CTDSPL2: variants seen among roughly 807,000 people sequenced by gnomAD.
CTDSPL2 encodes CTD small phosphatase like 2, also known as CTD small phosphatase-like protein 2.
A neutral mutation model predicts 60.0 loss-of-function variants in CTDSPL2; 5 were observed. That is an observed-to-expected ratio of 0.08 (90% confidence interval 0.04 to 0.18). CTDSPL2 has a LOEUF of 0.18. Ranked by LOEUF, CTDSPL2 falls within the 10% of genes least tolerant of loss-of-function variation. The pLI is 1.00. For synonymous variants in CTDSPL2, 186 were observed against 189.3 expected (o/e 0.98, Z 0.14); for missense variants, 370 against 548.8 (o/e 0.67, Z 3.26).
Position 44,524,170 on chromosome 15 carries a change from A to G in CTDSPL2, c.1397A>G (p.Asp466Gly). ...CGCTTGCATGATTTGCTGCCCCCAGATTAAGTACAAAGACTTGTCAAATCA... is the reference window on the plus strand; with the variant it reads ...CGCTTGCATGATTTGCTGCCCCCAGGTTAAGTACAAAGACTTGTCAAATCA... Reference protein sequence around the residue: ...RFRLHDLLPPD With the variant: ...RFRLHDLLPPG Residue 466 changes from aspartate to glycine, a missense_variant, in exon 13 of 13, where the codon GAT (aspartate) becomes GGT (glycine). Asp to Gly is a moderately conservative substitution (Grantham distance 94). Transcript: ENST00000260327. The G allele has an allele frequency of 6.2e-7, 1 of 1,612,102 alleles. No homozygotes were observed. The highest frequency in any genetic ancestry group is 8.5e-7 in the Non-Finnish European group (1 of 1,178,254).
At chr15:44,446,534 G>A (rs1185401411) in intron 1 of CTDSPL2, among the ~76,000 whole-genome samples, 1 of 151,938 alleles carries the variant, frequency 6.6e-6, no homozygotes. Context: ...GGAGGCCAAG[G>A]CAGGAGAACT....
At chr15:44,494,759 A>G (rs2081269456) in intron 5 of CTDSPL2, among the ~76,000 whole-genome samples, 1 of 151,976 alleles carries the variant, frequency 6.6e-6, no homozygotes, top group African/African-American at 2.4e-5. Context: ...TACTAAAAAT[A>G]CAAAAAATTA....
intron 8 of CTDSPL2, among the ~76,000 whole-genome samples, chr15:44,509,671 G>A (rs2081533137): frequency 6.6e-6 from 1 of 152,078 alleles, no homozygotes; most frequent in South Asian, 2.1e-4. Context: ...ATATGGCTGG[G>A]TGCGGTGGCT....
At chr15:44,479,257 T>A (rs1245587372) in intron 2 of CTDSPL2, among the ~76,000 whole-genome samples, 3 of 152,034 alleles carry the variant, frequency 2.0e-5, no homozygotes, top group African/African-American at 7.2e-5. Context: ...CCCTCTTTCT[T>A]ATAAGGTATA....
At chr15:44,491,714 A>G (rs1355218562) in intron 5 of CTDSPL2, among the ~76,000 whole-genome samples, 3 of 152,190 alleles carry the variant, frequency 2.0e-5, no homozygotes, top group African/African-American at 7.2e-5. Context: ...TTGTGGTACC[A>G]GGTATTTGAG....
At chr15:44,488,485 A>G (rs1008016908) in intron 4 of CTDSPL2, among the ~76,000 whole-genome samples, 3 of 152,180 alleles carry the variant, frequency 2.0e-5, no homozygotes, top group African/African-American at 4.8e-5. Flanking sequence ...AATTTGGACC[A>G]TGCTGAGTTT....
intron 1 of CTDSPL2, among the ~76,000 whole-genome samples, chr15:44,443,172 ATCT>A (rs1315263176): frequency 6.6e-6 from 1 of 152,152 alleles, no homozygotes; most frequent in Non-Finnish European, 1.5e-5. Context: ...GAACTTTTTC[ATCT>A]TCTCAAACGG....
intron 2 of CTDSPL2, among the ~76,000 whole-genome samples, chr15:44,468,279 C>T (rs984840272): frequency 1.3e-5 from 2 of 151,970 alleles, no homozygotes; most frequent in African/African-American, 4.8e-5. Context: ...TTTAGTCATA[C>T]ATGTTTTTAA....
At position 44,490,759 on chromosome 15, in the gene CTDSPL2, A is replaced by G. The variant is rs779598773; in HGVS notation, c.476-25A>G. On this transcript the variant is annotated intron_variant, in intron 4 of 12. Transcript: ENST00000260327. ...TAAATAGGTGCATTTTTAAATGATG[A>G]TAGTACACTGAATCATGATTTCAGG... The G allele has an allele frequency of 1.5e-5, 23 of 1,576,740 alleles. 1 individual carries two copies. Among genetic ancestry groups the G allele is most frequent in the Non-Finnish European group, 2.0e-5 (23 of 1,147,786 alleles).
chr15:44,443,664 T>G (rs1401668423), intron 1 of CTDSPL2, among the ~76,000 whole-genome samples: 1 of 152,170 alleles, frequency 6.6e-6, no homozygotes, highest in Non-Finnish European at 1.5e-5. Flanking sequence ...AATTAGATAA[T>G]TAGTGATGTC....
intron 8 of CTDSPL2, among the ~76,000 whole-genome samples, chr15:44,505,858 T>C (rs2081453001): frequency 6.6e-6 from 1 of 151,998 alleles, no homozygotes; most frequent in African/African-American, 2.4e-5. Context: ...TCCTTTGAAG[T>C]TTAGAGTTTG....
intron 2 of CTDSPL2, among the ~76,000 whole-genome samples, chr15:44,466,722 A>G (rs1037647415): frequency 1.3e-5 from 2 of 151,710 alleles, no homozygotes; most frequent in Admixed American, 1.3e-4. Context: ...AGGCGGGCGG[A>G]TCATGAGGTC....
intron 2 of CTDSPL2, among the ~76,000 whole-genome samples, chr15:44,476,391 A>T (rs1017493337): frequency 3.3e-5 from 5 of 152,136 alleles, no homozygotes; most frequent in African/African-American, 1.2e-4. Context: ...AAATATTACT[A>T]AATTCTGAAA....
Position 44,463,383 on chromosome 15 carries a change from C to T in CTDSPL2, c.186+4183C>T, listed in dbSNP as rs148833239. ...TCTTGAACTCCTGACCTCAAGTGAT[C>T]TGCCCACCTCAGCCTCCCAGAGTGC... On this transcript the variant is annotated intron_variant, in intron 2 of 12. Coordinates refer to ENST00000260327, the MANE Select transcript of CTDSPL2 (RefSeq NM_016396.3). Among the ~76,000 whole-genome samples, 948 of 152,272 alleles carry T rather than the reference C, an allele frequency of 6.2e-3. 4 individuals are homozygous for T. The highest frequency in any genetic ancestry group is 0.017 in the Middle Eastern group (5 of 294).
At chr15:44,498,537 A>G (rs2081338658) in intron 7 of CTDSPL2, among the ~76,000 whole-genome samples, 1 of 152,082 alleles carries the variant, frequency 6.6e-6, no homozygotes, top group Admixed American at 6.6e-5. Context: ...AGTGAGCTAC[A>G]ATTGTGCCAC....
intron 2 of CTDSPL2, among the ~76,000 whole-genome samples, chr15:44,470,816 T>C (rs1022529155): frequency 1.3e-5 from 2 of 152,206 alleles, no homozygotes; most frequent in Non-Finnish European, 2.9e-5. Context: ...AAGTCTTCTA[T>C]CTTACTATGT....
chr15:44,464,263 A>C (rs946328093), intron 2 of CTDSPL2, among the ~76,000 whole-genome samples: 1 of 152,224 alleles, frequency 6.6e-6, no homozygotes, highest in Non-Finnish European at 1.5e-5. Flanking sequence ...CTTACAAACC[A>C]TATGAGATAG....
intron 1 of CTDSPL2, among the ~76,000 whole-genome samples, chr15:44,457,089 C>G (rs2080463362): frequency 6.6e-6 from 1 of 152,022 alleles, no homozygotes. Flanking sequence ...GTTGCCCAGG[C>G]TGGTCTTGAA....
rs2081877770 is a variant in CTDSPL2 at position 44,526,576 on chromosome 15, T to C, written c.*2402T>C. On this transcript the variant is annotated 3_prime_UTR_variant, in exon 13 of 13. Transcript: ENST00000260327. ...AATTCCTTGAGGCCAAATTAATATA[T>C]TTTTCTTTGTTATTTTATTTGAGTC... 1 of 152,126 alleles carries C rather than the reference T, an allele frequency of 6.6e-6. No individual in the cohort carries two copies. The highest frequency in any genetic ancestry group is 1.5e-5 in the Non-Finnish European group (1 of 67,978). The allele number at this position is 152,126 out of a possible 1,614,324, so 9.4% of individuals were successfully genotyped here. A position where few individuals can be genotyped will look rare whatever the true frequency, so the allele number is the denominator to read the frequency against.
Sources: gnomAD v4.1 joint callset for allele counts (sites outside exome capture counted in the v4.1 genomes callset) on GRCh38, gnomAD v4.1.1 for gene constraint, MANE v1.5 for transcripts, NCBI Gene and HGNC (gene_info 2026-07-23, HGNC 2026-07-21) for gene names.